TBC1D20: variants seen among roughly 807,000 people sequenced by gnomAD.
TBC1D20 encodes the protein chromosome 20 open reading frame 140.
Under a neutral mutation model 41.6 loss-of-function variants are expected in TBC1D20, and 12 were observed. The ratio of observed to expected loss-of-function variants is 0.29; its 90% CI spans 0.18 to 0.47. The LOEUF (loss-of-function observed/expected upper bound fraction) is 0.47. Among genes scored for constraint, TBC1D20 ranks in the 20% least tolerant of loss-of-function variants. TBC1D20 has a pLI of 1.00. For synonymous variants in TBC1D20, 205 were observed against 204.8 expected (o/e 1.00, Z -0.01); for missense variants, 421 against 517.4 (o/e 0.81, Z 1.81).
chr20:460,537 A>T (rs2122432900), intron 1 of TBC1D20, among the ~76,000 whole-genome samples: 1 of 152,272 alleles, frequency 6.6e-6, no homozygotes, highest in Admixed American at 6.5e-5. Flanking sequence ...TATTAAACAC[A>T]AAATAAAACA....
intron 2 of TBC1D20, among the ~76,000 whole-genome samples, chr20:446,980 C>T: frequency 7.8e-6 from 1 of 128,172 alleles, no homozygotes; most frequent in South Asian, 2.5e-4. Context: ...GACGGAGTCT[C>T]ACTCTGTCAC....
intron 1 of TBC1D20, among the ~76,000 whole-genome samples, chr20:449,338 T>C (rs1368865323): frequency 2.8e-5 from 4 of 143,518 alleles, no homozygotes; most frequent in African/African-American, 1.0e-4. Context: ...GGCTCATGCC[T>C]GTAATCCCAG....
intron 1 of TBC1D20, among the ~76,000 whole-genome samples, chr20:458,068 T>G (rs1356060813): frequency 6.6e-6 from 1 of 152,196 alleles, no homozygotes; most frequent in Non-Finnish European, 1.5e-5. Context: ...TTAACCTATT[T>G]GCTAAGAGTA....
chr20:436,288 A>G lies in TBC1D20; in HGVS notation c.*2298T>C, dbSNP rs139236906. On this transcript the variant is annotated 3_prime_UTR_variant, in exon 8 of 8. Transcript: ENST00000354200. ...CGGAATGACAGAAGAGGTGATTAGTAACCACATATGGCTGTTTATTTGATA... is the reference window on the plus strand; with the variant it reads ...CGGAATGACAGAAGAGGTGATTAGTGACCACATATGGCTGTTTATTTGATA... The G allele has an allele frequency of 1.0e-3, 153 of 152,372 alleles. 1 individual carries two copies. The highest frequency in any genetic ancestry group is 3.0e-3 in the African/African-American group (125 of 41,574). 9.4% of individuals were successfully genotyped at this position (152,372 alleles called of 1,614,324 possible).
At position 462,516 on chromosome 20, in the gene TBC1D20, C is replaced by G. The variant is rs537275302; in HGVS notation, c.-111G>C. The G allele has an allele frequency of 1.8e-6, 1 of 562,228 alleles. No homozygotes were observed. The highest frequency in any genetic ancestry group is 2.4e-6 in the Non-Finnish European group (1 of 417,514). 34.8% of individuals were successfully genotyped at this position (562,228 alleles called of 1,614,324 possible). ...CGCTCGGCATCGGCAGGCTCCCCTC[C>G]GTCGGCCAGCGGCGCGCAGGCGCGC... On this transcript the variant is annotated 5_prime_UTR_variant, in exon 1 of 8. Transcript: ENST00000354200.
intron 1 of TBC1D20, 87 bp downstream of exon 1, chr20:462,249 G>T: frequency 2.2e-6 from 2 of 927,326 alleles, no homozygotes; most frequent in Non-Finnish European, 2.7e-6. Context: ...CCCAGCCCGC[G>T]CCCCTCCGGC....
chr20:447,602 G>A lies in TBC1D20; in HGVS notation c.256+287C>T, dbSNP rs112594906. 4.7e-3 allele frequency among the ~76,000 whole-genome samples: 708 copies of A among 152,196 alleles called. 9 individuals carry two copies. The highest frequency in any genetic ancestry group is 0.016 in the African/African-American group (672 of 41,522). ...GAACCCAGGGGGCAGAGGTTGCAGT[G>A]AGCTGAGATTGTGCCACCGCACTCC... On this transcript the variant is annotated intron_variant, in intron 2 of 7. Transcript: ENST00000354200.
chr20:443,302 G>A (rs190026832), intron 3 of TBC1D20, among the ~76,000 whole-genome samples: 77 of 152,328 alleles, frequency 5.1e-4, no homozygotes, highest in African/African-American at 1.6e-3. Flanking sequence ...ATCCAAAGAT[G>A]TATTATAGCT....
Position 436,931 on chromosome 20 carries a change from G to C in TBC1D20, c.*1655C>G, listed in dbSNP as rs542690871. The C allele has an allele frequency of 2.6e-5, 4 of 152,828 alleles. No homozygotes were observed. In the South Asian group the frequency reaches 8.3e-4, roughly 32 times the overall value. 9.5% of individuals were successfully genotyped at this position (152,828 alleles called of 1,614,324 possible). ...AGTTCGAGACCAGCCTGGCCAACGT[G>C]GCGAAACCCCATCTCTACTAAAAAT... On this transcript the variant is annotated 3_prime_UTR_variant, in exon 8 of 8. Coordinates refer to ENST00000354200, the MANE Select transcript of TBC1D20 (RefSeq NM_144628.4).
chr20:450,384 G>A (rs1028991921), intron 1 of TBC1D20, among the ~76,000 whole-genome samples: 2 of 151,288 alleles, frequency 1.3e-5, no homozygotes, highest in Non-Finnish European at 2.9e-5. Flanking sequence ...GACCTCAAGT[G>A]ATCCACCTGC....
intron 1 of TBC1D20, among the ~76,000 whole-genome samples, chr20:458,108 T>A (rs1250536043): frequency 1.3e-5 from 2 of 152,110 alleles, no homozygotes; most frequent in Non-Finnish European, 2.9e-5. Flanking sequence ...TGTTTAGACA[T>A]ACATCCACCC....
chr20:459,491 A>G (rs147978295), intron 1 of TBC1D20, among the ~76,000 whole-genome samples: 3 of 152,348 alleles, frequency 2.0e-5, no homozygotes, highest in East Asian at 1.9e-4. Context: ...GGTCTTGGCT[A>G]TCATAACCAT....
At chr20:448,185 C>CCTG in intron 1 of TBC1D20, 111 bp from the exon 2 acceptor site, 1 of 676,640 alleles carries the variant, frequency 1.5e-6, no homozygotes, top group Non-Finnish European at 2.5e-6. Flanking sequence ...CTCCTCTTAG[C>CCTG]TCTAAGACTG....
rs1188192814 is a variant in TBC1D20, at chr20:435,573, G to C, written c.*3013C>G. The C allele has an allele frequency of 6.5e-6, 1 of 153,712 alleles. No individual in the cohort carries two copies. Among genetic ancestry groups the C allele is most frequent in the African/African-American group, 2.4e-5 (1 of 41,466 alleles). The allele number at this position is 153,712 out of a possible 1,614,324, so 9.5% of individuals were successfully genotyped here. A position where few individuals can be genotyped will look rare whatever the true frequency, so the allele number is the denominator to read the frequency against. On this transcript the variant is annotated 3_prime_UTR_variant, in exon 8 of 8. Transcript: ENST00000354200. Reference sequence around the variant, plus strand: ...TACACACAGGGTGAGGTCTGGACGGGTCCTGGGCAAATGCTGGAGCTTCTG... The same window carrying C: ...TACACACAGGGTGAGGTCTGGACGGCTCCTGGGCAAATGCTGGAGCTTCTG...
At position 438,424 on chromosome 20, in the gene TBC1D20, T is replaced by C. The variant is rs2017158618; in HGVS notation, c.*162A>G. The C allele has an allele frequency of 2.5e-6, 2 of 785,588 alleles. No individual in the cohort carries two copies. Among genetic ancestry groups the C allele is most frequent in the Admixed American group, 5.4e-5 (2 of 36,736 alleles). 48.7% of individuals were successfully genotyped at this position (785,588 alleles called of 1,614,324 possible). ...CTCTGTGTCAGGTAGGCTCTGCTAC[T>C]GGCCTCTGAAGTAAAGGCAAACACA... is the stretch of plus-strand genomic sequence containing the variant. On this transcript the variant is annotated 3_prime_UTR_variant, in exon 8 of 8. Coordinates refer to ENST00000354200, the MANE Select transcript of TBC1D20 (RefSeq NM_144628.4).
rs768247710 is a variant in TBC1D20, at chr20:438,828, T to C, written c.970A>G (p.Thr324Ala). 1.5e-5 allele frequency: 25 copies of C among 1,613,198 alleles called. No individual in the cohort carries two copies. Among genetic ancestry groups the C allele is most frequent in the African/African-American group, 2.7e-5 (2 of 74,876 alleles). ...GATGCCAGCTCAAAGTCTTTGAAAG[T>C]AGAGGCTGCCGTCCTGCAGGGGAAA... ...QQQAERTAASTFKDFELASAQ... is the reference protein window; with the variant it reads ...QQQAERTAASAFKDFELASAQ... The change falls in exon 8 of 8, where the codon ACT becomes GCT. Residue 324 changes from threonine to alanine, a missense_variant. Around this residue, in one of 3 missense-constraint regions of TBC1D20, gnomAD observed 161 missense variants for 182.7 expected, o/e 0.88. Coordinates refer to ENST00000354200, the MANE Select transcript of TBC1D20 (RefSeq NM_144628.4).
At chr20:460,225 T>G (rs1221238862) in intron 1 of TBC1D20, among the ~76,000 whole-genome samples, 2 of 151,882 alleles carry the variant, frequency 1.3e-5, no homozygotes, top group Non-Finnish European at 2.9e-5. Context: ...CCGTTTTGTG[T>G]GGAGGGAGGG....
chr20:443,792 C>T (rs1319558896), intron 3 of TBC1D20, among the ~76,000 whole-genome samples: 2 of 152,140 alleles, frequency 1.3e-5, no homozygotes, highest in South Asian at 2.1e-4. Flanking sequence ...ACAGATATTA[C>T]ATCAATGGAA....
intron 1 of TBC1D20, among the ~76,000 whole-genome samples, chr20:460,394 C>CT (rs1176806475): frequency 3.4e-5 from 5 of 149,132 alleles, no homozygotes; most frequent in Non-Finnish European, 5.9e-5. Context: ...GACTGTGACA[C>CT]TGCACTCCAA....
Sources: allele counts gnomAD v4.1 joint callset (sites outside exome capture counted in the v4.1 genomes callset), GRCh38; gene constraint gnomAD v4.1.1; regional missense constraint gnomAD v4.1.1; transcripts MANE v1.5; gene names NCBI Gene and HGNC (gene_info 2026-07-23, HGNC 2026-07-21).